Variants in ZNF831 observed in about 807,000 individuals in gnomAD.
ZNF831 encodes the protein chromosome 20 open reading frame 174.
A neutral mutation model predicts 95.8 loss-of-function variants in ZNF831; 59 were observed. The ratio of observed to expected loss-of-function variants is 0.62; its 90% CI spans 0.50 to 0.77. ZNF831 has a LOEUF of 0.77. Ranked by LOEUF, ZNF831 falls within the 30% of genes least tolerant of loss-of-function variation. The probability of loss-of-function intolerance (pLI) is 0.00; values close to 1 mark genes in which losing one functional copy is unlikely to be tolerated. For missense variants in ZNF831, 2,205 were observed against 2,164.0 expected, an observed-to-expected ratio of 1.02 and a Z score of -0.38; for synonymous variants, 961 against 925.5, an observed-to-expected ratio of 1.04 and a Z score of -0.70.
At chr20:59,173,000 C>A (rs1981864722) in intron 1 of ZNF831, among the ~76,000 whole-genome samples, 1 of 152,094 alleles carries the variant, frequency 6.6e-6, no homozygotes, top group South Asian at 2.1e-4. Context: ...GGAGCAGGGG[C>A]TTGTTGTGGT....
At chr20:59,221,398 G>A (rs1354353045) in intron 4 of ZNF831, among the ~76,000 whole-genome samples, 1 of 152,126 alleles carries the variant, frequency 6.6e-6, no homozygotes, top group Non-Finnish European at 1.5e-5. Context: ...CGTCCCAGAG[G>A]CCTCCCTGGC....
intron 4 of ZNF831, among the ~76,000 whole-genome samples, chr20:59,214,132 T>G (rs1201304286): frequency 6.6e-6 from 1 of 152,210 alleles, no homozygotes; most frequent in Non-Finnish European, 1.5e-5. Context: ...AAAAAGGCCA[T>G]CCATCCATGC....
Position 59,253,879 on chromosome 20 carries a change from C to CTTTTT in ZNF831, c.4189-19_4189-18insTTTTT. 2 of 489,122 alleles carry CTTTTT rather than the reference C, an allele frequency of 4.1e-6. No homozygotes were observed. Among genetic ancestry groups the CTTTTT allele is most frequent in the South Asian group, 4.5e-5 (1 of 22,432 alleles). 30.3% of individuals were successfully genotyped at this position (489,122 alleles called of 1,614,324 possible). A position where few individuals can be genotyped will look rare whatever the true frequency, so the allele number is the denominator to read the frequency against. ...TAACCTCCCCCCCCACTTTTTTTTTCCTTTGCACTTTGTTGCAGGATATTT... is the reference window on the plus strand; with the variant it reads ...TAACCTCCCCCCCCACTTTTTTTTTCTTTTTCTTTGCACTTTGTTGCAGGATATTT... On this transcript the variant is annotated intron_variant, in intron 5 of 5. Coordinates refer to ENST00000371030, the MANE Select transcript of ZNF831 (RefSeq NM_178457.3).
At chr20:59,150,763 T>C (rs1601300548) in intron 2 of ZNF831, among the ~76,000 whole-genome samples, 1 of 152,128 alleles carries the variant, frequency 6.6e-6, no homozygotes, top group South Asian at 2.1e-4. Context: ...AGGTGTGTAG[T>C]GATTTGTTGT....
chr20:59,248,792 G>C (rs914552956), intron 4 of ZNF831, among the ~76,000 whole-genome samples: 2 of 152,180 alleles, frequency 1.3e-5, no homozygotes, highest in Admixed American at 1.3e-4. Flanking sequence ...TCATGGGTGA[G>C]AATGAAAACA....
chr20:59,239,782 C>T (rs1479694391), intron 4 of ZNF831, among the ~76,000 whole-genome samples: 1 of 152,132 alleles, frequency 6.6e-6, no homozygotes, highest in Non-Finnish European at 1.5e-5. Flanking sequence ...TGACCTCAGG[C>T]GATCCGCCCA....
At chr20:59,253,674 G>A (rs368248022) in intron 5 of ZNF831, among the ~76,000 whole-genome samples, 3 of 152,154 alleles carry the variant, frequency 2.0e-5, no homozygotes, top group Admixed American at 6.5e-5. Context: ...AGCACAGGAC[G>A]TCAGCAACCT....
At chr20:59,132,379 A>T (rs1979375421) in intron 1 of ZNF831, among the ~76,000 whole-genome samples, 1 of 151,978 alleles carries the variant, frequency 6.6e-6, no homozygotes, top group Admixed American at 6.6e-5. Flanking sequence ...TTGTCAGGAA[A>T]AATTTTCTAG....
rs376243835 is a variant in ZNF831 at position 59,253,867 on chromosome 20, C to G, written c.4189-31C>G. The G allele has an allele frequency of 1.9e-5, 22 of 1,142,336 alleles. 3 individuals carry two copies. The East Asian group carries it at 2.0e-4, about 10-fold the overall frequency. The allele number at this position is 1,142,336 out of a possible 1,614,324, so 70.8% of individuals were successfully genotyped here. On this transcript the variant is annotated intron_variant, in intron 5 of 5. Transcript: ENST00000371030. ...CTTTGTACCAATTAACCTCCCCCCC[C>G]ACTTTTTTTTTCCTTTGCACTTTGT...
rs1412494988 is a variant in ZNF831, at chr20:59,234,680, C to G, written c.4028-18298C>G. Reference sequence around the variant, plus strand: ...AACGCGACAGAAGTGAAAGATCCCCCCTGCAAACACAAATCCCTTCCCCAA... The same window carrying G: ...AACGCGACAGAAGTGAAAGATCCCCGCTGCAAACACAAATCCCTTCCCCAA... On this transcript the variant is annotated intron_variant, in intron 4 of 5. Transcript: ENST00000371030. 2.6e-5 allele frequency among the ~76,000 whole-genome samples: 4 copies of G among 152,140 alleles called. No homozygotes were observed. In the East Asian group the frequency reaches 7.7e-4, roughly 29 times the overall value.
intron 4 of ZNF831, among the ~76,000 whole-genome samples, chr20:59,221,652 T>C (rs1344700194): frequency 6.6e-6 from 1 of 152,228 alleles, no homozygotes; most frequent in African/African-American, 2.4e-5. Flanking sequence ...CTTGCCCAAG[T>C]TCATACGTTG....
At chr20:59,157,435 T>C (rs1980601476) in intron 2 of ZNF831, among the ~76,000 whole-genome samples, 1 of 152,176 alleles carries the variant, frequency 6.6e-6, no homozygotes, top group African/African-American at 2.4e-5. Context: ...GGGAGGCGAA[T>C]TGGGTGGCTT....
In ZNF831 at chr20:59,254,377, G is replaced by A. The variant is rs1290505295; in HGVS notation, c.4668G>A (p.Ser1556=). ...RPSSGQRISD[S]VPLESTEKTH... ...CATCTGGACAAAGAATTTCAGATTC[G>A]GTTCCACTGGAGTCAACTGAAAAAA... Residue 1556 remains serine, a synonymous_variant, in exon 6 of 6, where the codon TCG becomes TCA. Transcript: ENST00000371030. The surrounding 1 kb of genome is among the most constrained non-coding windows in gnomAD (Gnocchi z 4.5). 5 of 1,614,046 alleles carry A rather than the reference G, an allele frequency of 3.1e-6. No individual in the cohort carries two copies. The highest frequency in any genetic ancestry group is 3.4e-6 in the Non-Finnish European group (4 of 1,180,012).
chr20:59,138,104 A>G (rs1357542139), intron 1 of ZNF831, among the ~76,000 whole-genome samples: 1 of 152,252 alleles, frequency 6.6e-6, no homozygotes, highest in Non-Finnish European at 1.5e-5. Flanking sequence ...TAAAACTGTG[A>G]TTAACACCGA....
chr20:59,137,857 C>A (rs80154324), intron 1 of ZNF831, among the ~76,000 whole-genome samples: 13,762 of 152,248 alleles, frequency 0.09, 728 homozygotes, highest in Non-Finnish European at 0.12. Flanking sequence ...ATTCCTGTGT[C>A]ATTTCTGCAC....
intron 1 of ZNF831, among the ~76,000 whole-genome samples, chr20:59,177,098 T>C (rs1332437751): frequency 6.6e-6 from 1 of 152,194 alleles, no homozygotes; most frequent in Non-Finnish European, 1.5e-5. Context: ...TTCTCATCCT[T>C]GTGCTGGCCT....
At chr20:59,253,534 A>G (rs75010396) in intron 5 of ZNF831, among the ~76,000 whole-genome samples, 3,336 of 152,178 alleles carry the variant, frequency 0.022, 123 homozygotes, top group African/African-American at 0.076. Flanking sequence ...AAACCAAAAA[A>G]CCAAAAAACC....
intron 2 of ZNF831, among the ~76,000 whole-genome samples, chr20:59,156,950 A>G (rs1479032390): frequency 6.6e-6 from 1 of 152,200 alleles, no homozygotes; most frequent in African/African-American, 2.4e-5. Flanking sequence ...TTATGGGCAC[A>G]TGGTAGGTGT....
intron 2 of ZNF831, 89 bp downstream of exon 2, chr20:59,194,846 C>G (rs113568707): frequency 6.9e-7 from 1 of 1,439,968 alleles, no homozygotes; most frequent in South Asian, 1.5e-5. Context: ...AGTCTGAAGC[C>G]GTCCCATGTA....
Sources: allele counts gnomAD v4.1 joint callset (sites outside exome capture counted in the v4.1 genomes callset), GRCh38; gene constraint gnomAD v4.1.1; non-coding constraint Gnocchi (gnomAD v3.1); transcripts MANE v1.5; gene names NCBI Gene and HGNC (gene_info 2026-07-23, HGNC 2026-07-21).